The following PTDSS1 variants were observed in gnomAD, a reference collection of about 807,000 sequenced individuals.
The protein encoded by PTDSS1 is phosphatidylserine synthase 1.
A neutral mutation model predicts 70.5 loss-of-function variants in PTDSS1; 45 were observed. The ratio of observed to expected loss-of-function variants is 0.64; its 90% CI spans 0.50 to 0.82. PTDSS1 has a LOEUF of 0.82. PTDSS1 is among the 40% of genes least tolerant of loss of function. PTDSS1 has a pLI of 0.00. For synonymous variants in PTDSS1, 188 were observed against 203.8 expected (o/e 0.92, Z 0.66); for missense variants, 417 against 586.1 (o/e 0.71, Z 2.98).
chr8:96,276,974 G>A (rs200031753), intron 2 of PTDSS1, among the ~76,000 whole-genome samples: 6,409 of 113,430 alleles, frequency 0.057, 555 homozygotes, highest in African/African-American at 0.23. Context: ...ACGCGCGCAC[G>A]CGCGCGCACA....
chr8:96,280,508 C>T (rs1211563081), intron 2 of PTDSS1, among the ~76,000 whole-genome samples: 1 of 151,884 alleles, frequency 6.6e-6, no homozygotes, highest in African/African-American at 2.4e-5. Flanking sequence ...TTGAAGCCTG[C>T]AGTGAGCTGA....
rs958717079 is a variant in PTDSS1 at position 96,262,385 on chromosome 8, C to T, written c.179+166C>T. Among the ~76,000 whole-genome samples the T allele has an allele frequency of 6.6e-6, 1 of 152,172 alleles. No individual in the cohort carries two copies. The highest frequency in any genetic ancestry group is 2.4e-5 in the African/African-American group (1 of 41,438). On this transcript the variant is annotated intron_variant, in intron 1 of 12. Transcript: ENST00000517309. The surrounding 1 kb of genome is among the most constrained non-coding windows in gnomAD (Gnocchi z 4.4). Reference sequence around the variant, plus strand: ...CGCCCACGCGGCCCCTCCGCCCGCCCGGTGTCTCACAGTACGCTAGCCTGC... The same window carrying T: ...CGCCCACGCGGCCCCTCCGCCCGCCTGGTGTCTCACAGTACGCTAGCCTGC...
At chr8:96,328,847 G>A (rs1563586843) in intron 10 of PTDSS1, among the ~76,000 whole-genome samples, 2 of 152,162 alleles carry the variant, frequency 1.3e-5, no homozygotes, top group Non-Finnish European at 2.9e-5. Context: ...AGCTGCTGCT[G>A]TTCACTGTTC....
At chr8:96,300,603 T>C (rs1811036998) in intron 6 of PTDSS1, among the ~76,000 whole-genome samples, 1 of 152,248 alleles carries the variant, frequency 6.6e-6, no homozygotes, top group South Asian at 2.1e-4. Context: ...TAAGGAAGAA[T>C]AATGGTACTG....
intron 2 of PTDSS1, chr8:96,283,769 A>G: frequency 4.3e-6 from 1 of 232,656 alleles, no homozygotes; most frequent in Non-Finnish European, 8.3e-6. Context: ...TTAAGGTACA[A>G]TATGCATCAC....
chr8:96,315,283 G>T (rs1258677581), intron 9 of PTDSS1, among the ~76,000 whole-genome samples: 1 of 152,174 alleles, frequency 6.6e-6, no homozygotes, highest in East Asian at 1.9e-4. Context: ...AGGAGAGGGG[G>T]TCTCCCACAC....
In PTDSS1 at chr8:96,270,409, C is replaced by A. The variant is rs73271822; in HGVS notation, c.180-2890C>A. ...TCGGGGTTCAGAGAGGAGGGACTCACACCAGACCTTATAGAATGGCCCTGT... is the reference window on the plus strand; with the variant it reads ...TCGGGGTTCAGAGAGGAGGGACTCAAACCAGACCTTATAGAATGGCCCTGT... On this transcript the variant is annotated intron_variant, in intron 1 of 12. Transcript: ENST00000517309. 5.5e-3 allele frequency among the ~76,000 whole-genome samples: 836 copies of A among 152,324 alleles called. 7 individuals carry two copies. Among genetic ancestry groups the A allele is most frequent in the African/African-American group, 0.019 (784 of 41,576 alleles).
In PTDSS1 at chr8:96,262,995, A is replaced by C. The variant is rs894522824; in HGVS notation, c.179+776A>C. ...ACATCACGCGGTGCATACCCTGCTCACTCATTACCTAACATACGTGCTGAA... is the reference window on the plus strand; with the variant it reads ...ACATCACGCGGTGCATACCCTGCTCCCTCATTACCTAACATACGTGCTGAA... On this transcript the variant is annotated intron_variant, in intron 1 of 12. Coordinates refer to ENST00000517309, the MANE Select transcript of PTDSS1 (RefSeq NM_014754.3). The surrounding 1 kb of genome is among the most constrained non-coding windows in gnomAD (Gnocchi z 4.4). Among the ~76,000 whole-genome samples, 2 of 152,062 alleles carry C rather than the reference A, an allele frequency of 1.3e-5. No individual in the cohort carries two copies. The highest frequency in any genetic ancestry group is 4.8e-5 in the African/African-American group (2 of 41,376).
intron 4 of PTDSS1, among the ~76,000 whole-genome samples, chr8:96,294,040 AT>A (rs1303612318): frequency 6.6e-6 from 1 of 152,074 alleles, no homozygotes; most frequent in Non-Finnish European, 1.5e-5. Context: ...ACCCTATTGA[AT>A]TTTATCCTCT....
At chr8:96,289,501 T>C (rs1267725339) in intron 4 of PTDSS1, among the ~76,000 whole-genome samples, 1 of 152,198 alleles carries the variant, frequency 6.6e-6, no homozygotes, top group Non-Finnish European at 1.5e-5. Flanking sequence ...ATTGCAAGGG[T>C]TTCCGGAGCT....
chr8:96,320,388 A>G (rs769938416), intron 10 of PTDSS1, 43 bp downstream of exon 10: 1 of 1,494,812 alleles, frequency 6.7e-7, no homozygotes, highest in African/African-American at 1.4e-5. Context: ...CTAAACTCTC[A>G]TAGTATCACT....
chr8:96,269,915 C>T (rs1307967529), intron 1 of PTDSS1, among the ~76,000 whole-genome samples: 2 of 152,184 alleles, frequency 1.3e-5, no homozygotes, highest in African/African-American at 2.4e-5. Flanking sequence ...GTTGTGAACT[C>T]ATGATAGTAA....
chr8:96,310,805 C>T (rs896323516), intron 9 of PTDSS1, among the ~76,000 whole-genome samples: 2 of 151,172 alleles, frequency 1.3e-5, no homozygotes, highest in African/African-American at 2.4e-5. Flanking sequence ...AGTGTTCTGT[C>T]GCCAGGCTGG....
At chr8:96,272,964 G>C (rs1030071600) in intron 1 of PTDSS1, among the ~76,000 whole-genome samples, 3 of 152,154 alleles carry the variant, frequency 2.0e-5, no homozygotes, top group African/African-American at 7.2e-5. Context: ...GGCATTTTGA[G>C]GGCCACATTT....
At chr8:96,323,034 G>T (rs948578938) in intron 10 of PTDSS1, among the ~76,000 whole-genome samples, 1 of 152,244 alleles carries the variant, frequency 6.6e-6, no homozygotes, top group African/African-American at 2.4e-5. Flanking sequence ...AGAAAAAAGG[G>T]ATAAGCAGTC....
intron 4 of PTDSS1, 73 bp downstream of exon 4, chr8:96,287,219 C>T (rs2130057542): frequency 1.3e-6 from 2 of 1,542,928 alleles, no homozygotes; most frequent in Non-Finnish European, 1.8e-6. Flanking sequence ...ATAGACTTGA[C>T]ATTTTAAATT....
In PTDSS1 at chr8:96,272,647, C is replaced by G. The variant is rs142053742; in HGVS notation, c.180-652C>G. Among the ~76,000 whole-genome samples, 87 of 152,304 alleles carry G rather than the reference C, an allele frequency of 5.7e-4. 1 individual carries two copies. The highest frequency in any genetic ancestry group is 5.1e-3 in the Admixed American group (78 of 15,302). On this transcript the variant is annotated intron_variant, in intron 1 of 12. Transcript: ENST00000517309. ...AGACAAGTTACTTAATCTTTCTGAA[C>G]TTTTGCAACCTCATTTTGTAAAATG...
intron 4 of PTDSS1, among the ~76,000 whole-genome samples, chr8:96,292,884 C>T (rs1810926945): frequency 6.6e-6 from 1 of 152,206 alleles, no homozygotes; most frequent in South Asian, 2.1e-4. Context: ...TGATGAGAAC[C>T]TGTGCTGTCT....
At chr8:96,267,360 T>C (rs942123884) in intron 1 of PTDSS1, among the ~76,000 whole-genome samples, 1 of 152,176 alleles carries the variant, frequency 6.6e-6, no homozygotes, top group African/African-American at 2.4e-5. Context: ...CAGGTCTGAT[T>C]GGGCCTTTAT....
Sources: gnomAD v4.1 joint callset for allele counts (sites outside exome capture counted in the v4.1 genomes callset) on GRCh38, gnomAD v4.1.1 for gene constraint, Gnocchi (gnomAD v3.1) non-coding constraint, MANE v1.5 for transcripts, NCBI Gene and HGNC (gene_info 2026-07-23, HGNC 2026-07-21) for gene names.